Variants in LRRC37A2 observed in about 807,000 individuals in gnomAD.
LRRC37A2 encodes the protein leucine-rich repeat-containing protein 37A2.
Under a neutral mutation model 68.8 loss-of-function variants are expected in LRRC37A2, and 9 were observed. The observed-to-expected ratio is 0.13, with a 90% CI of 0.08 to 0.23. LRRC37A2 has a LOEUF of 0.23. Ranked by LOEUF, LRRC37A2 falls within the 10% of genes least tolerant of loss-of-function variation. The pLI is 1.00. For synonymous variants in LRRC37A2, 63 were observed against 367.6 expected (o/e 0.17, Z 9.48); for missense variants, 168 against 950.4 (o/e 0.18, Z 10.82).
At chr17:46,867,789 C>T in the LRRC37A2 span, among the ~76,000 whole-genome samples, 1 of 152,070 alleles carries the variant, frequency 6.6e-6, no homozygotes, top group African/African-American at 2.4e-5. Context: ...TGAGATGAAG[C>T]CCTGAGGGGC....
At chr17:46,774,867 G>A in the LRRC37A2 span, among the ~76,000 whole-genome samples, 1 of 152,324 alleles carries the variant, frequency 6.6e-6, no homozygotes, top group African/African-American at 2.4e-5. Flanking sequence ...AAAATGATCC[G>A]TGAGTGTCAG....
the LRRC37A2 span, among the ~76,000 whole-genome samples, chr17:46,822,622 C>G: frequency 6.6e-6 from 1 of 152,218 alleles, no homozygotes; most frequent in Non-Finnish European, 1.5e-5. Context: ...GTGAGCAGCC[C>G]GGATTTCGGA....
chr17:46,875,277 A>G, the LRRC37A2 span: 1 of 1,614,178 alleles, frequency 6.2e-7, no homozygotes, highest in Admixed American at 1.7e-5. Flanking sequence ...GTACAGCACC[A>G]AGTTTCTGAG....
chr17:47,008,111 A>ATT, the LRRC37A2 span, among the ~76,000 whole-genome samples: 29 of 142,260 alleles, frequency 2.0e-4, no homozygotes, highest in Middle Eastern at 3.6e-3. Context: ...AATTTAATTA[A>ATT]TTTTTTTTTT....
At chr17:47,021,969 G>A in the LRRC37A2 span, 1 of 1,459,698 alleles carries the variant, frequency 6.9e-7, no homozygotes, top group Non-Finnish European at 9.6e-7. Context: ...TGCATTGTAA[G>A]ATCTTTCTTG....
At chr17:47,017,041 G>T in the LRRC37A2 span, among the ~76,000 whole-genome samples, 10 of 132,614 alleles carry the variant, frequency 7.5e-5, no homozygotes, top group Admixed American at 6.3e-4. Context: ...GGGGTGTTCC[G>T]GCAGGGCAGG....
chr17:46,879,594 T>G, the LRRC37A2 span, among the ~76,000 whole-genome samples: 3 of 152,246 alleles, frequency 2.0e-5, no homozygotes, highest in African/African-American at 7.2e-5. Context: ...GGGGCCACAT[T>G]ACTGTGGCCA....
At chr17:46,740,716 C>T in the LRRC37A2 span, among the ~76,000 whole-genome samples, 18 of 148,916 alleles carry the variant, frequency 1.2e-4, no homozygotes, top group Non-Finnish European at 2.1e-4. Flanking sequence ...GGCTGGAGTA[C>T]AATGGCACGA....
the LRRC37A2 span, among the ~76,000 whole-genome samples, chr17:46,926,083 A>G: frequency 1.3e-5 from 2 of 152,206 alleles, no homozygotes; most frequent in African/African-American, 4.8e-5. Flanking sequence ...GGTTTTGATG[A>G]GCAGGTAGGC....
chr17:47,011,502 AG>A, the LRRC37A2 span, among the ~76,000 whole-genome samples: 1 of 150,564 alleles, frequency 6.6e-6, no homozygotes. Flanking sequence ...AAGTGAGCTG[AG>A]ATTCTACCAC....
At chr17:47,030,092 ATCATCATCATCATCATC>A in the LRRC37A2 span, among the ~76,000 whole-genome samples, 85 of 74,200 alleles carry the variant, frequency 1.1e-3, 8 homozygotes, top group African/African-American at 3.8e-3. Context: ...AATAATAATC[ATCATCATCATCATCATC>A]ATCATCATCA....
the LRRC37A2 span, chr17:46,940,673 T>C: frequency 1.2e-6 from 2 of 1,612,802 alleles, no homozygotes; most frequent in Non-Finnish European, 1.7e-6. Context: ...CGTGGACTGA[T>C]AGGACATCTT....
At chr17:46,948,922 A>T in the LRRC37A2 span, 1 of 152,240 alleles carries the variant, frequency 6.6e-6, no homozygotes, top group Non-Finnish European at 1.5e-5. Flanking sequence ...GCTAAAGTTC[A>T]TTCATCCATT....
chr17:46,867,714 AG>A, the LRRC37A2 span, among the ~76,000 whole-genome samples: 5,770 of 152,128 alleles, frequency 0.038, 394 homozygotes, highest in African/African-American at 0.13. Flanking sequence ...TGTGTTGGAG[AG>A]TGTGAAAGGA....
At chr17:46,780,036 C>T in the LRRC37A2 span, among the ~76,000 whole-genome samples, 2 of 152,210 alleles carry the variant, frequency 1.3e-5, no homozygotes, top group South Asian at 4.1e-4. Flanking sequence ...GGATTACAGG[C>T]GTAAGCCACC....
the LRRC37A2 span, among the ~76,000 whole-genome samples, chr17:46,918,227 G>A: frequency 5.1e-4 from 78 of 152,230 alleles, no homozygotes; most frequent in Middle Eastern, 3.4e-3. Flanking sequence ...CTACAGGCAC[G>A]TGCCACCATG....
At chr17:46,601,405 C>CTT in the LRRC37A2 span, among the ~76,000 whole-genome samples, 10 of 41,638 alleles carry the variant, frequency 2.4e-4, no homozygotes, top group Non-Finnish European at 3.1e-4. Flanking sequence ...TATAATTACC[C>CTT]TTTTTTTTTT....
the LRRC37A2 span, among the ~76,000 whole-genome samples, chr17:46,867,207 C>G: frequency 6.6e-6 from 1 of 152,202 alleles, no homozygotes; most frequent in African/African-American, 2.4e-5. Flanking sequence ...AGGGCAGGAC[C>G]GTGTCCCAGC....
the LRRC37A2 span, chr17:46,964,234 T>A: frequency 3.9e-5 from 6 of 152,240 alleles, no homozygotes; most frequent in Admixed American, 2.0e-4. Context: ...AGAGGAGGTG[T>A]GGCTTCATCA....
Sources: allele counts gnomAD v4.1 joint callset (sites outside exome capture counted in the v4.1 genomes callset), GRCh38; gene constraint gnomAD v4.1.1; transcripts MANE v1.5; gene names NCBI Gene and HGNC (gene_info 2026-07-23, HGNC 2026-07-21).